Variants in CDC16 observed in about 807,000 individuals in gnomAD.
CDC16 encodes the protein cell division cycle 16.
CDC16 carries 34 observed loss-of-function variants against 87.0 expected under a neutral mutation model. The ratio of observed to expected loss-of-function variants is 0.39; its 90% CI spans 0.30 to 0.52. The LOEUF (loss-of-function observed/expected upper bound fraction) is 0.52. CDC16 is among the 20% of genes least tolerant of loss of function. CDC16 has a pLI of 0.74. For synonymous variants in CDC16, 263 were observed against 260.6 expected (o/e 1.01, Z -0.09); for missense variants, 653 against 751.9 (o/e 0.87, Z 1.54).
intron 12 of CDC16, among the ~76,000 whole-genome samples, chr13:114,255,805 G>A (rs1330803480): frequency 6.6e-6 from 1 of 152,006 alleles, no homozygotes; most frequent in African/African-American, 2.4e-5. Flanking sequence ...ACCACGCTTG[G>A]CTAATTTTTT....
chr13:114,245,341 A>G (rs777144434), intron 9 of CDC16, among the ~76,000 whole-genome samples: 1 of 151,104 alleles, frequency 6.6e-6, no homozygotes, highest in Non-Finnish European at 1.5e-5. Flanking sequence ...GAAATTGGAA[A>G]GGAGCAGATT....
intron 17 of CDC16, among the ~76,000 whole-genome samples, chr13:114,271,775 C>A (rs1259170311): frequency 6.6e-6 from 1 of 152,158 alleles, no homozygotes; most frequent in African/African-American, 2.4e-5. Context: ...GCCACCGCGC[C>A]TGGCCACACA....
At chr13:114,235,242 C>A in intron 1 of CDC16, 110 bp downstream of exon 1, 1 of 754,778 alleles carries the variant, frequency 1.3e-6, no homozygotes, top group Non-Finnish European at 1.8e-6. Context: ...AAGGACTGGG[C>A]CGGCCCTGGG....
rs765849031 is a variant in CDC16, at chr13:114,234,965, C to T, written c.-120C>T. On this transcript the variant is annotated 5_prime_UTR_variant, in exon 1 of 18. Coordinates refer to ENST00000356221, the MANE Select transcript of CDC16 (RefSeq NM_001078645.3). ...CTGCGGCCTTCGAGTCCGCGGCCTT[C>T]GAGTCCTGGGGCGGCGGCGGCGGCT... 2 of 739,210 alleles carry T rather than the reference C, an allele frequency of 2.7e-6. No individual in the cohort carries two copies. The highest frequency in any genetic ancestry group is 1.9e-5 in the African/African-American group (1 of 52,250). 45.8% of individuals were successfully genotyped at this position (739,210 alleles called of 1,614,324 possible).
intron 17 of CDC16, among the ~76,000 whole-genome samples, 177 bp downstream of exon 17, chr13:114,265,417 A>T (rs1303777600): frequency 1.3e-5 from 2 of 152,234 alleles, no homozygotes; most frequent in African/African-American, 4.8e-5. Flanking sequence ...TGGGGGAGTT[A>T]GTGACTCACC....
chr13:114,265,188 A>G lies in CDC16; in HGVS notation c.1551A>G (p.Thr517=). 1 of 1,612,700 alleles carries G rather than the reference A, an allele frequency of 6.2e-7. No homozygotes were observed. Residue 517 remains threonine (T), a synonymous_variant, in exon 17 of 18, where the codon ACA becomes ACG. Transcript: ENST00000356221. ...GGCGAGATGATACATTTTCTGTTAC[A>G]ATGCTTGGTCATTGCATCGAAATGT... is the stretch of plus-strand genomic sequence containing the variant. ...GLRRDDTFSV[T]MLGHCIEMYI...
rs753746970 is a variant in CDC16 at position 114,242,213 on chromosome 13, G to A, written c.474G>A (p.Lys158=). ...LATYSYKEAL[K]LDVYCFEAFD... Reference sequence around the variant, plus strand: ...CCTACAGCTACAAAGAAGCTTTGAAGCTTGATGTCTACTGTTTTGAAGCGT... The same window carrying A: ...CCTACAGCTACAAAGAAGCTTTGAAACTTGATGTCTACTGTTTTGAAGCGT... Residue 158 remains lysine, a synonymous_variant, in exon 6 of 18, where the codon AAG becomes AAA. Coordinates refer to ENST00000356221, the MANE Select transcript of CDC16 (RefSeq NM_001078645.3). 2.5e-6 allele frequency: 4 copies of A among 1,614,180 alleles called. 1 individual carries two copies. The South Asian group carries it at 4.4e-5, about 18-fold the overall frequency.
At chr13:114,265,848 T>G (rs995965603) in intron 17 of CDC16, among the ~76,000 whole-genome samples, 1 of 151,720 alleles carries the variant, frequency 6.6e-6, no homozygotes, top group Non-Finnish European at 1.5e-5. Flanking sequence ...GGAGCTTCGC[T>G]CTTGTTGCCC....
chr13:114,238,468 C>T (rs4566031), intron 3 of CDC16, among the ~76,000 whole-genome samples: 3 of 148,702 alleles, frequency 2.0e-5, no homozygotes, highest in Admixed American at 1.3e-4. Context: ...GCTCCTCGGA[C>T]GCCCAGCAGT....
intron 5 of CDC16, 42 bp downstream of exon 5, chr13:114,239,532 A>G (rs368074413): frequency 1.4e-6 from 2 of 1,470,508 alleles, no homozygotes; most frequent in African/African-American, 1.4e-5. Flanking sequence ...GGCGGCGAGA[A>G]TTGCCCTCAT....
At chr13:114,270,838 T>A (rs541707470) in intron 17 of CDC16, among the ~76,000 whole-genome samples, 1 of 151,768 alleles carries the variant, frequency 6.6e-6, no homozygotes, top group South Asian at 2.1e-4. Context: ...GGGAAGTTCA[T>A]AGGAAGCTAA....
chr13:114,238,931 TGAAA>T, intron 3 of CDC16, 55 bp from the exon 4 acceptor site: 1 of 1,551,696 alleles, frequency 6.4e-7, no homozygotes, highest in Non-Finnish European at 8.7e-7. Flanking sequence ...TGGCTTTCTT[TGAAA>T]GTGAAGATAC....
At chr13:114,260,871 T>G (rs183181040) in intron 14 of CDC16, among the ~76,000 whole-genome samples, 3 of 152,352 alleles carry the variant, frequency 2.0e-5, no homozygotes, top group Admixed American at 2.0e-4. Context: ...TTCATTCATT[T>G]AGTTGACATA....
chr13:114,254,599 T>C (rs550416824), intron 12 of CDC16, among the ~76,000 whole-genome samples: 134 of 152,350 alleles, frequency 8.8e-4, no homozygotes, highest in African/African-American at 3.1e-3. Flanking sequence ...TTATTATTTA[T>C]TCTGTTGTCT....
At chr13:114,236,574 ATAT>A in intron 1 of CDC16, 68 bp from the exon 2 acceptor site, 1 of 1,269,510 alleles carries the variant, frequency 7.9e-7, no homozygotes. Context: ...AATTATAATA[ATAT>A]TAGATAACTG....
intron 6 of CDC16, 42 bp downstream of exon 6, chr13:114,242,322 TA>T: frequency 6.3e-7 from 1 of 1,577,446 alleles, no homozygotes; most frequent in Non-Finnish European, 8.6e-7. Flanking sequence ...TTAGCAAAAT[TA>T]ATATTGTTTG....
rs1310734606 is a variant in CDC16 at position 114,234,999 on chromosome 13, G to T, written c.-86G>T. The T allele has an allele frequency of 6.0e-6, 6 of 991,918 alleles. No individual in the cohort carries two copies. The highest frequency in any genetic ancestry group is 1.9e-5 in the African/African-American group (1 of 53,668). 61.4% of individuals were successfully genotyped at this position (991,918 alleles called of 1,614,324 possible). A position where few individuals can be genotyped will look rare whatever the true frequency, so the allele number is the denominator to read the frequency against. On this transcript the variant is annotated 5_prime_UTR_variant, in exon 1 of 18. Coordinates refer to ENST00000356221, the MANE Select transcript of CDC16 (RefSeq NM_001078645.3). Reference sequence around the variant, plus strand: ...GGGCGGCGGCGGCGGCTGCAGGCACGGGCACGGGCACGGGGCGGGGTGCTT... The same window carrying T: ...GGGCGGCGGCGGCGGCTGCAGGCACTGGCACGGGCACGGGGCGGGGTGCTT...
chr13:114,254,163 T>A (rs1005020095), intron 12 of CDC16, among the ~76,000 whole-genome samples: 1 of 152,224 alleles, frequency 6.6e-6, no homozygotes, highest in African/African-American at 2.4e-5. Context: ...TTCATTCTTT[T>A]AATTTCAACT....
chr13:114,240,312 T>A (rs1477052804), intron 5 of CDC16, among the ~76,000 whole-genome samples: 2 of 151,998 alleles, frequency 1.3e-5, no homozygotes, highest in Admixed American at 1.3e-4. Context: ...CAAGCTCAAG[T>A]GATTCTCCCA....
Sources: allele counts gnomAD v4.1 joint callset (sites outside exome capture counted in the v4.1 genomes callset), GRCh38; gene constraint gnomAD v4.1.1; transcripts MANE v1.5; gene names NCBI Gene and HGNC (gene_info 2026-07-23, HGNC 2026-07-21).